PREB: variants seen among roughly 807,000 people sequenced by gnomAD.
PREB encodes the protein guanine nucleotide-exchange factor SEC12.
PREB carries 29 observed loss-of-function variants against 46.7 expected under a neutral mutation model. That is an observed-to-expected ratio of 0.62 (90% confidence interval 0.46 to 0.85). The LOEUF is 0.85. Ranked by LOEUF, PREB falls within the 40% of genes least tolerant of loss-of-function variation. The pLI is 0.00. For missense variants in PREB, 494 were observed against 528.4 expected (o/e 0.93, Z 0.64); for synonymous variants, 224 against 220.1 (o/e 1.02, Z -0.16).
At chr2:27,133,361 G>C in intron 2 of PREB, 24 bp from the exon 3 acceptor site, 2 of 1,613,200 alleles carry the variant, frequency 1.2e-6, no homozygotes, top group Non-Finnish European at 1.7e-6. Flanking sequence ...ACTTGGCCAG[G>C]TTCCAGGCTT....
intron 1 of PREB, 35 bp from the exon 2 acceptor site, chr2:27,133,756 G>C: frequency 6.2e-7 from 1 of 1,602,794 alleles, no homozygotes; most frequent in African/African-American, 1.3e-5. Flanking sequence ...GCAAGTTCAG[G>C]GGTGCCCAGA....
In PREB at chr2:27,134,378, G is replaced by C; in HGVS notation, c.44C>G (p.Pro15Arg). Residue 15 changes from proline (P) to arginine (R), a missense_variant, in exon 1 of 9, where the codon CCG becomes CGG. Physicochemically the swap from Pro to Arg is moderately radical, Grantham distance 103 (BLOSUM62 -2). Transcript: ENST00000260643. Reference sequence around the variant, plus strand: ...GGGGTCGACCTGAAGCGCGTACAACGGGAACGGAGCCCGGTACAGCTCTGG... The same window carrying C: ...GGGGTCGACCTGAAGCGCGTACAACCGGAACGGAGCCCGGTACAGCTCTGG... ...RAPELYRAPF[P>R]LYALQVDPST... 6.2e-7 allele frequency: 1 copy of C among 1,610,346 alleles called. No homozygotes were observed. Among genetic ancestry groups the C allele is most frequent in the Admixed American group, 1.7e-5 (1 of 59,886 alleles).
At chr2:27,134,216 G>C (rs2148421232) in intron 1 of PREB, 71 bp downstream of exon 1, 1 of 1,455,282 alleles carries the variant, frequency 6.9e-7, no homozygotes, top group Non-Finnish European at 9.1e-7. Context: ...CCCGCCCCGC[G>C]ACCCCCCGGC....
Position 27,134,277 on chromosome 2 carries a change from G to A in PREB, c.135+10C>T. The A allele has an allele frequency of 6.3e-7, 1 of 1,595,580 alleles. No individual in the cohort carries two copies. Reference sequence around the variant, plus strand: ...AGCAAGACCCAGCCCCAGTGGCCCTGCGCTCTCACCACGCCATTCTTTATG... The same window carrying A: ...AGCAAGACCCAGCCCCAGTGGCCCTACGCTCTCACCACGCCATTCTTTATG... On this transcript the variant is annotated intron_variant, in intron 1 of 8. Coordinates refer to ENST00000260643, the MANE Select transcript of PREB (RefSeq NM_013388.6).
rs763929791 is a variant in PREB, at chr2:27,131,810, C to T, written c.1021G>A (p.Ala341Thr). The T allele has an allele frequency of 2.5e-6, 4 of 1,613,956 alleles. No individual in the cohort carries two copies. The highest frequency in any genetic ancestry group is 2.2e-5 in the East Asian group (1 of 44,884). ...ACATCCGTCACCACAATGCCATGGG[C>T]CTCCCTCACGTAGTAGAGGCACTGT... ...SLQCLYYVRE[A>T]HGIVVTDVAF... is the part of the protein sequence containing the mutation. The change falls in exon 8 of 9, where the codon GCC becomes ACC. Residue 341 changes from alanine (A) to threonine (T), a missense_variant. By Grantham distance (58) the Ala-to-Thr change is moderately conservative. Coordinates refer to ENST00000260643, the MANE Select transcript of PREB (RefSeq NM_013388.6).
In PREB at chr2:27,134,305, T is replaced by A. The variant is rs371515629; in HGVS notation, c.117A>T (p.Thr39=). 3.1e-6 allele frequency: 5 copies of A among 1,609,872 alleles called. No homozygotes were observed. In the African/African-American group the frequency reaches 6.7e-5, roughly 21 times the overall value. The change falls in exon 1 of 9, where the codon ACA becomes ACT. Residue 39 remains threonine, a synonymous_variant. Coordinates refer to ENST00000260643, the MANE Select transcript of PREB (RefSeq NM_013388.6). The part of the protein sequence containing the change: ...IAAGGGGAAK[T]GIKNGVHFLQ... ...CTCTCACCACGCCATTCTTTATGCCTGTCTTGGCGGCGCCTCCTCCGCCCG... is the reference window on the plus strand; with the variant it reads ...CTCTCACCACGCCATTCTTTATGCCAGTCTTGGCGGCGCCTCCTCCGCCCG...
intron 2 of PREB, 66 bp downstream of exon 2, chr2:27,133,464 TAG>T (rs993882264): frequency 1.9e-6 from 3 of 1,594,332 alleles, no homozygotes; most frequent in Non-Finnish European, 2.6e-6. Context: ...CCCACTTCTT[TAG>T]AGACACCAAG....
rs538939865 is a variant in PREB at position 27,132,832 on chromosome 2, C to G, written c.627+11G>C. The G allele has an allele frequency of 6.6e-5, 107 of 1,614,034 alleles. 1 individual carries two copies. In the South Asian group the frequency reaches 1.1e-3, roughly 17 times the overall value. ...CCTTTCTCCATCCTCCTCCCACCCC[C>G]AGCCCCTCACCTTGCCATCAGGCCC... On this transcript the variant is annotated intron_variant, in intron 4 of 8. Coordinates refer to ENST00000260643, the MANE Select transcript of PREB (RefSeq NM_013388.6). This position sits in a 1 kb window ranked among gnomAD's most constrained non-coding sequence, Gnocchi z 4.0.
chr2:27,132,035 G>A lies in PREB; in HGVS notation c.974C>T (p.Ala325Val), dbSNP rs148409741. The A allele has an allele frequency of 2.5e-6, 4 of 1,614,094 alleles. No individual in the cohort carries two copies. In the East Asian group the frequency reaches 8.9e-5, roughly 36 times the overall value. Residue 325 changes from alanine (A) to valine (V), a missense_variant, in exon 7 of 9, where the codon GCC becomes GTC. Transcript: ENST00000260643. The surrounding 1 kb of genome is among the most constrained non-coding windows in gnomAD (Gnocchi z 4.0). The stretch of plus-strand genomic sequence containing the variant: ...CTGGAGAGAGAAAGCTATGTAGATG[G>A]CAACAGAGCCAGTGACTGTGCCCAG... ...LGLGTVTGSV[A>V]IYIAFSLQCL...
rs1170386349 is a variant in PREB, at chr2:27,132,266, G to A, written c.890C>T (p.Ser297Phe). ...GCAGGAGACGACTTCATGGCCACAGGACTTGGTCCGAAGGGGCAAGAAGTT... is the reference window on the plus strand; with the variant it reads ...GCAGGAGACGACTTCATGGCCACAGAACTTGGTCCGAAGGGGCAAGAAGTT... Reference protein sequence around the residue: ...GSNFLPLRTKSCGHEVVSCLD... With the variant: ...GSNFLPLRTKFCGHEVVSCLD... Residue 297 changes from serine (S) to phenylalanine (F), a missense_variant, in exon 6 of 9, where the codon TCC becomes TTC. Coordinates refer to ENST00000260643, the MANE Select transcript of PREB (RefSeq NM_013388.6). This position sits in a 1 kb window ranked among gnomAD's most constrained non-coding sequence, Gnocchi z 4.0. 1 of 1,614,044 alleles carries A rather than the reference G, an allele frequency of 6.2e-7. No homozygotes were observed. The highest frequency in any genetic ancestry group is 8.5e-7 in the Non-Finnish European group (1 of 1,180,014).
chr2:27,133,320 G>A lies in PREB; in HGVS notation c.343C>T (p.Pro115Ser), dbSNP rs1326090318. ...GGGGCTGCTCCCTTCCTTTGTCGAG[G>A]CCCCTGCTCCTTGGAACCTGTAACA... ...AEKAGSKEQG[P>S]RQRKGAAPAE... The change falls in exon 3 of 9, where the codon CCT (proline) becomes TCT (serine). Residue 115 changes from proline to serine, a missense_variant. Physicochemically the swap from Pro to Ser is moderately conservative, Grantham distance 74. Coordinates refer to ENST00000260643, the MANE Select transcript of PREB (RefSeq NM_013388.6). The A allele has an allele frequency of 1.9e-6, 3 of 1,613,972 alleles. No homozygotes were observed. In the African/African-American group the frequency reaches 4.0e-5, roughly 22 times the overall value.
In PREB at chr2:27,132,589, C is replaced by A. The variant is rs953347408; in HGVS notation, c.752+14G>T. The A allele has an allele frequency of 9.9e-6, 16 of 1,613,770 alleles. No individual in the cohort carries two copies. The highest frequency in any genetic ancestry group is 1.3e-5 in the African/African-American group (1 of 74,902). ...GGCTATGCCTCTTTCAGCCACCACC[C>A]AAAGTCTTCACACCTGCAGGCCTGG... On this transcript the variant is annotated intron_variant, in intron 5 of 8. Transcript: ENST00000260643. This position sits in a 1 kb window ranked among gnomAD's most constrained non-coding sequence, Gnocchi z 4.0.
Position 27,132,790 on chromosome 2 carries a change from A to G in PREB, c.627+53T>C, listed in dbSNP as rs1290920667. The G allele has an allele frequency of 4.1e-5, 66 of 1,613,244 alleles. No individual in the cohort carries two copies. The highest frequency in any genetic ancestry group is 5.0e-5 in the Non-Finnish European group (59 of 1,179,410). ...GGGATCCACTTACTGGGCAAGCAGC[A>G]TAAGCACCTCCTCTCTCCTTTCTCC... On this transcript the variant is annotated intron_variant, in intron 4 of 8. Coordinates refer to ENST00000260643, the MANE Select transcript of PREB (RefSeq NM_013388.6). The surrounding 1 kb of genome is among the most constrained non-coding windows in gnomAD (Gnocchi z 4.0).
In PREB at chr2:27,133,659, G is replaced by A; in HGVS notation, c.198C>T (p.Asp66=). ...AGTTCATGGTGGCCCGTGTCTCTGT[G>A]TCATGGGAGTGCAGCAAGGAGGCAC... ...RLSASLLHSH[D]TETRATMNLA... The change falls in exon 2 of 9, where the codon GAC becomes GAT. Residue 66 remains aspartate (D), a synonymous_variant. Coordinates refer to ENST00000260643, the MANE Select transcript of PREB (RefSeq NM_013388.6). 4 of 1,614,212 alleles carry A rather than the reference G, an allele frequency of 2.5e-6. No individual in the cohort carries two copies. The African/African-American group carries it at 4.0e-5, about 16-fold the overall frequency.
At chr2:27,134,257 G>T in intron 1 of PREB, 30 bp downstream of exon 1, 1 of 1,561,636 alleles carries the variant, frequency 6.4e-7, no homozygotes. Context: ...CCCGCAGCAA[G>T]ACCCAGCCCC....
chr2:27,134,496 G>A lies in PREB; in HGVS notation c.-75C>T. On this transcript the variant is annotated 5_prime_UTR_variant, in exon 1 of 9. Transcript: ENST00000260643. Reference sequence around the variant, plus strand: ...GCGCCGGGCCTTCGACTACTGCCCCGGCGGCTGGTGAACTCGGCCCCGTCG... The same window carrying A: ...GCGCCGGGCCTTCGACTACTGCCCCAGCGGCTGGTGAACTCGGCCCCGTCG... 1 of 1,399,010 alleles carries A rather than the reference G, an allele frequency of 7.1e-7. No individual in the cohort carries two copies. Among genetic ancestry groups the A allele is most frequent in the Admixed American group, 3.5e-5 (1 of 28,328 alleles). The allele number at this position is 1,399,010 out of a possible 1,614,324, so 86.7% of individuals were successfully genotyped here. A position where few individuals can be genotyped will look rare whatever the true frequency, so the allele number is the denominator to read the frequency against.
At position 27,134,271 on chromosome 2, in the gene PREB, G is replaced by A; in HGVS notation, c.135+16C>T. The A allele has an allele frequency of 6.3e-7, 1 of 1,585,580 alleles. No individual in the cohort carries two copies. Among genetic ancestry groups the A allele is most frequent in the South Asian group, 1.1e-5 (1 of 87,718 alleles). On this transcript the variant is annotated intron_variant, in intron 1 of 8. Transcript: ENST00000260643. ...GCCCGCAGCAAGACCCAGCCCCAGTGGCCCTGCGCTCTCACCACGCCATTC... is the reference window on the plus strand; with the variant it reads ...GCCCGCAGCAAGACCCAGCCCCAGTAGCCCTGCGCTCTCACCACGCCATTC...
chr2:27,131,330 T>G lies in PREB; in HGVS notation c.*84A>C. ...CGGCAACCTCAGCTGTGGACCCGAATGGAGTGAGCAAAGGGAGTCCAGGCC... is the reference window on the plus strand; with the variant it reads ...CGGCAACCTCAGCTGTGGACCCGAAGGGAGTGAGCAAAGGGAGTCCAGGCC... On this transcript the variant is annotated 3_prime_UTR_variant, in exon 9 of 9. Coordinates refer to ENST00000260643, the MANE Select transcript of PREB (RefSeq NM_013388.6). The G allele has an allele frequency of 7.9e-7, 1 of 1,267,388 alleles. No individual in the cohort carries two copies. Among genetic ancestry groups the G allele is most frequent in the Non-Finnish European group, 1.1e-6 (1 of 890,890 alleles). 78.5% of individuals were successfully genotyped at this position (1,267,388 alleles called of 1,614,324 possible).
Position 27,132,044 on chromosome 2 carries a change from C to T in PREB, c.965G>A (p.Gly322Asp). The change falls in exon 7 of 9, where the codon GGC (glycine) becomes GAC (aspartate). Residue 322 changes from glycine to aspartate, a missense_variant. Coordinates refer to ENST00000260643, the MANE Select transcript of PREB (RefSeq NM_013388.6). This position sits in a 1 kb window ranked among gnomAD's most constrained non-coding sequence, Gnocchi z 4.0. ...GTFLGLGTVTGSVAIYIAFSL... is the reference protein window; with the variant it reads ...GTFLGLGTVTDSVAIYIAFSL... ...GAAAGCTATGTAGATGGCAACAGAG[C>T]CAGTGACTGTGCCCAGGCCTAGGAA... 2 of 1,614,168 alleles carry T rather than the reference C, an allele frequency of 1.2e-6. No homozygotes were observed. The highest frequency in any genetic ancestry group is 2.2e-5 in the East Asian group (1 of 44,880).
Sources: gnomAD v4.1 joint callset for allele counts on GRCh38, gnomAD v4.1.1 for gene constraint, Gnocchi (gnomAD v3.1) non-coding constraint, MANE v1.5 for transcripts, NCBI Gene and HGNC (gene_info 2026-07-23, HGNC 2026-07-21) for gene names.